The following PARD3 variants were observed in gnomAD, a reference collection of about 807,000 sequenced individuals.
PARD3 encodes par-3 family cell polarity regulator, also known as partitioning defective 3 homolog.
PARD3 carries 75 observed loss-of-function variants against 155.4 expected under a neutral mutation model. That is an observed-to-expected ratio of 0.48 (90% CI 0.40 to 0.58). The LOEUF is 0.58. PARD3 is among the 20% of genes least tolerant of loss of function. The probability of loss-of-function intolerance (pLI) is 0.00; values close to 1 mark genes in which losing one functional copy is unlikely to be tolerated. For missense variants in PARD3, 1,642 were observed against 1,721.7 expected, an observed-to-expected ratio of 0.95 and a Z score of 0.82; for synonymous variants, 576 against 610.5, an observed-to-expected ratio of 0.94 and a Z score of 0.83.
At chr10:34,526,276 G>T (rs1201945141) in intron 2 of PARD3, among the ~76,000 whole-genome samples, 3 of 151,866 alleles carry the variant, frequency 2.0e-5, no homozygotes, top group Admixed American at 2.0e-4. Flanking sequence ...AGCAACTGGG[G>T]GTGAAATACT....
At chr10:34,776,709 G>A (rs1374189873) in intron 1 of PARD3, among the ~76,000 whole-genome samples, 2 of 151,750 alleles carry the variant, frequency 1.3e-5, no homozygotes, top group Admixed American at 1.3e-4. Context: ...ACTAGTGAAG[G>A]AACAACATTG....
At chr10:34,454,064 C>T (rs1202780338) in intron 4 of PARD3, among the ~76,000 whole-genome samples, 1 of 152,166 alleles carries the variant, frequency 6.6e-6, no homozygotes, top group African/African-American at 2.4e-5. Context: ...TTACAGCAAT[C>T]TTGAATTATT....
At chr10:34,450,711 T>C (rs756851390) in intron 4 of PARD3, among the ~76,000 whole-genome samples, 1 of 152,060 alleles carries the variant, frequency 6.6e-6, no homozygotes, top group Non-Finnish European at 1.5e-5. Flanking sequence ...CACTACACTT[T>C]GCACTCCTAC....
At chr10:34,746,640 C>T (rs751921233) in intron 1 of PARD3, among the ~76,000 whole-genome samples, 4 of 152,090 alleles carry the variant, frequency 2.6e-5, no homozygotes, top group Admixed American at 6.6e-5. Flanking sequence ...GTCAACTTCA[C>T]TGATTTCACT....
chr10:34,429,708 C>T (rs2075807467), intron 5 of PARD3, among the ~76,000 whole-genome samples: 1 of 152,128 alleles, frequency 6.6e-6, no homozygotes, highest in South Asian at 2.1e-4. Flanking sequence ...GCCTCAGCCT[C>T]CCTAGTAGCT....
intron 17 of PARD3, 117 bp from the exon 18 acceptor site, chr10:34,336,360 A>G (rs1564599976): frequency 1.4e-6 from 1 of 701,198 alleles, no homozygotes; most frequent in Non-Finnish European, 2.5e-6. Context: ...TTTCATGCAA[A>G]TACTATGAAA....
At position 34,628,600 on chromosome 10, in the gene PARD3, G is replaced by A. The variant is rs776630668; in HGVS notation, c.222+67718C>T. ...AGCTGCACTTGGCCTTAGCCGTTGG[G>A]GAGATAAGGCAGCCCTGCCCTGGAG... On this transcript the variant is annotated intron_variant, in intron 2 of 24. Coordinates refer to ENST00000374788, the MANE Select transcript of PARD3 (RefSeq NM_001184785.2). 1.6e-4 allele frequency among the ~76,000 whole-genome samples: 24 copies of A among 152,240 alleles called. 1 individual carries two copies. Among genetic ancestry groups the A allele is most frequent in the Non-Finnish European group, 2.9e-4 (20 of 68,038 alleles).
At chr10:34,595,161 T>C (rs2089135205) in intron 2 of PARD3, among the ~76,000 whole-genome samples, 1 of 152,204 alleles carries the variant, frequency 6.6e-6, no homozygotes, top group Non-Finnish European at 1.5e-5. Context: ...TATCACAATG[T>C]CAAGTTCAGA....
intron 12 of PARD3, among the ~76,000 whole-genome samples, chr10:34,371,310 A>G (rs1005191905): frequency 2.6e-5 from 4 of 151,800 alleles, no homozygotes; most frequent in Admixed American, 1.3e-4. Context: ...TAAAGCTAGG[A>G]ATTGTCTACA....
At chr10:34,140,299 T>C (rs567123830) in intron 22 of PARD3, among the ~76,000 whole-genome samples, 3 of 152,218 alleles carry the variant, frequency 2.0e-5, no homozygotes, top group Non-Finnish European at 2.9e-5. Context: ...TAAATTTTAA[T>C]GATGAGCAGT....
chr10:34,551,974 A>T (rs1348314103), intron 2 of PARD3, among the ~76,000 whole-genome samples: 1 of 152,196 alleles, frequency 6.6e-6, no homozygotes, highest in African/African-American at 2.4e-5. Context: ...AAAAAGTACT[A>T]CCCAAGACTT....
In PARD3 at chr10:34,744,965, G is replaced by C. The variant is rs188185562; in HGVS notation, c.121-48546C>G. 2.3e-3 allele frequency among the ~76,000 whole-genome samples: 355 copies of C among 152,232 alleles called. 2 individuals are homozygous for C. The highest frequency in any genetic ancestry group is 3.3e-3 in the Non-Finnish European group (224 of 68,016). On this transcript the variant is annotated intron_variant, in intron 1 of 24. Transcript: ENST00000374788. ...GGCAACTAGGACCCTCTGCATCCTC[G>C]ACCACCCCTTGGACCCTGTGGTCTC...
At chr10:34,195,166 CAATT>C (rs1450001146) in intron 22 of PARD3, among the ~76,000 whole-genome samples, 1 of 152,192 alleles carries the variant, frequency 6.6e-6, no homozygotes, top group Non-Finnish European at 1.5e-5. Flanking sequence ...AAGTTGAACA[CAATT>C]AATCCAATGT....
intron 22 of PARD3, among the ~76,000 whole-genome samples, chr10:34,159,528 G>C (rs1234801841): frequency 6.6e-6 from 1 of 152,252 alleles, no homozygotes; most frequent in Non-Finnish European, 1.5e-5. Context: ...AATTGTGGGA[G>C]ATAGGATAAT....
intron 1 of PARD3, among the ~76,000 whole-genome samples, chr10:34,759,015 T>G (rs1837090280): frequency 6.6e-6 from 1 of 152,018 alleles, no homozygotes; most frequent in Admixed American, 6.6e-5. Flanking sequence ...AGGAAAAAGC[T>G]ACAGAATCAT....
intron 14 of PARD3, among the ~76,000 whole-genome samples, chr10:34,351,039 G>A (rs1838022471): frequency 6.6e-6 from 1 of 152,182 alleles, no homozygotes; most frequent in African/African-American, 2.4e-5. Flanking sequence ...GAAAATTCAT[G>A]TGAATTTATC....
At chr10:34,719,405 T>A (rs978759761) in intron 1 of PARD3, among the ~76,000 whole-genome samples, 6 of 152,230 alleles carry the variant, frequency 3.9e-5, no homozygotes, top group Non-Finnish European at 8.8e-5. Context: ...TTAAGTTAAA[T>A]CCCTTCTCAT....
At chr10:34,609,206 G>C (rs923251393) in intron 2 of PARD3, among the ~76,000 whole-genome samples, 2 of 152,002 alleles carry the variant, frequency 1.3e-5, no homozygotes, top group African/African-American at 4.8e-5. Context: ...GAATCCCCAG[G>C]TACATTTTCA....
chr10:34,491,935 C>T (rs971989308), intron 3 of PARD3, among the ~76,000 whole-genome samples: 6 of 152,120 alleles, frequency 3.9e-5, no homozygotes, highest in African/African-American at 1.4e-4. Flanking sequence ...GAAAAAGCAT[C>T]GCAGCATTTC....
Sources: allele counts gnomAD v4.1 joint callset (sites outside exome capture counted in the v4.1 genomes callset), GRCh38; gene constraint gnomAD v4.1.1; transcripts MANE v1.5; gene names NCBI Gene and HGNC (gene_info 2026-07-23, HGNC 2026-07-21).